The following ACOT2 variants were observed in gnomAD, a reference collection of about 807,000 sequenced individuals.
ACOT2 encodes acyl-coenzyme A thioesterase 2, mitochondrial.
In ACOT2, 15 loss-of-function variants were observed where a neutral mutation model predicts 20.1. The observed-to-expected ratio is 0.75, with a 90% confidence interval of 0.50 to 1.15. The LOEUF is 1.15. Ranked by LOEUF, ACOT2 falls within the 50% of genes most tolerant of loss-of-function variation. The probability of loss-of-function intolerance (pLI) is 0.00; values close to 1 mark genes in which losing one functional copy is unlikely to be tolerated. For synonymous variants in ACOT2, 252 were observed against 268.4 expected (o/e 0.94, Z 0.60); for missense variants, 479 against 615.3 (o/e 0.78, Z 2.34).
chr14:73,569,747 G>A lies in ACOT2; in HGVS notation c.507G>A (p.Glu169=), dbSNP rs758022958. Residue 169 remains glutamate (E), a synonymous_variant, in exon 1 of 3, where the codon GAG becomes GAA. Coordinates refer to ENST00000238651, the MANE Select transcript of ACOT2 (RefSeq NM_006821.6). ...GAACGCCCTTGGCCGTGGAGCTGGAGGTGCTGGATGGCCACGACCCCGACC... is the reference window on the plus strand; with the variant it reads ...GAACGCCCTTGGCCGTGGAGCTGGAAGTGCTGGATGGCCACGACCCCGACC... ...DVRTPLAVEL[E]VLDGHDPDPG... 2.5e-6 allele frequency: 4 copies of A among 1,609,308 alleles called. No homozygotes were observed. The highest frequency in any genetic ancestry group is 1.9e-4 in the Middle Eastern group (1 of 5,142).
At chr14:73,570,370 C>G (rs909979077) in intron 1 of ACOT2, among the ~76,000 whole-genome samples, 26 of 151,782 alleles carry the variant, frequency 1.7e-4, no homozygotes, top group Admixed American at 1.7e-3. Flanking sequence ...AAGATTGAGG[C>G]CATCCTGACT....
rs1329055219 is a variant in ACOT2, at chr14:73,569,790, C to T, written c.550C>T (p.Gln184Ter). The part of the protein sequence containing the change: ...HDPDPGRLLC[Q>*]TRHERYFLPP... ...CCCCGACCCCGGGCGGCTGCTGTGC[C>T]AGACGCGGCACGAGCGCTACTTCCT... The change falls in exon 1 of 3, where the codon CAG becomes TAG. Residue 184 changes from glutamine to a stop codon, truncating the protein, a stop_gained. Coordinates refer to ENST00000238651, the MANE Select transcript of ACOT2 (RefSeq NM_006821.6). LOFTEE classifies it high-confidence loss of function. 1 of 1,604,764 alleles carries T rather than the reference C, an allele frequency of 6.2e-7. No individual in the cohort carries two copies. The highest frequency in any genetic ancestry group is 1.1e-5 in the South Asian group (1 of 90,448).
At chr14:73,573,249 A>G in intron 1 of ACOT2, 139 bp from the exon 2 acceptor site, 1 of 1,311,356 alleles carries the variant, frequency 7.6e-7, no homozygotes, top group South Asian at 1.2e-5. Flanking sequence ...TTCTGGACGA[A>G]CAGGTTTTCA....
rs762834282 is a variant in ACOT2, at chr14:73,569,346, T to C, written c.106T>C (p.Trp36Arg). Residue 36 changes from tryptophan (W) to arginine (R), a missense_variant, in exon 1 of 3, where the codon TGG becomes CGG. Around this residue, in one of 4 missense-constraint regions of ACOT2, gnomAD observed 400 missense variants for 395.5 expected, o/e 1.01. Coordinates refer to ENST00000238651, the MANE Select transcript of ACOT2 (RefSeq NM_006821.6). ...CCTTCGAGCGTCCCGGCTGTACCAATGGAGCCTGAAGAGTTCGGCGCAGTT... is the reference window on the plus strand; with the variant it reads ...CCTTCGAGCGTCCCGGCTGTACCAACGGAGCCTGAAGAGTTCGGCGCAGTT... The part of the protein sequence containing the change: ...AVLRASRLYQ[W>R]SLKSSAQFLG... The C allele has an allele frequency of 6.4e-5, 104 of 1,613,978 alleles. 1 individual carries two copies. The East Asian group carries it at 2.3e-3, about 35-fold the overall frequency.
rs1889674893 is a variant in ACOT2, at chr14:73,569,690, A to G, written c.450A>G (p.Lys150=). Residue 150 remains lysine (K), a synonymous_variant, in exon 1 of 3, where the codon AAA becomes AAG. Coordinates refer to ENST00000238651, the MANE Select transcript of ACOT2 (RefSeq NM_006821.6). Reference sequence around the variant, plus strand: ...TGCTCTGGGCCTTGGAGCCCGAGAAACCTTTGGTGCGGCTGGTGAAGCGCG... The same window carrying G: ...TGCTCTGGGCCTTGGAGCCCGAGAAGCCTTTGGTGCGGCTGGTGAAGCGCG... The part of the protein sequence containing the change: ...MGLLWALEPE[K]PLVRLVKRDV... 1 of 1,609,822 alleles carries G rather than the reference A, an allele frequency of 6.2e-7. No homozygotes were observed. Among genetic ancestry groups the G allele is most frequent in the South Asian group, 1.1e-5 (1 of 90,862 alleles).
chr14:73,573,751 G>A (rs137977811), intron 2 of ACOT2, among the ~76,000 whole-genome samples, 161 bp downstream of exon 2: 9 of 150,368 alleles, frequency 6.0e-5, no homozygotes, highest in African/African-American at 2.2e-4. Context: ...TTTTTGAGAT[G>A]GAGTCTCACT....
chr14:73,568,117 G>A (rs1283441921), upstream of ACOT2: 1 of 152,036 alleles, frequency 6.6e-6, no homozygotes, highest in Admixed American at 6.6e-5. Flanking sequence ...CATACTTGAG[G>A]TGTTATACAA....
Position 73,575,404 on chromosome 14 carries a change from G to A in ACOT2, c.1343G>A (p.Gly448Glu), listed in dbSNP as rs1889859594. Reference protein sequence around the residue: ...ALVGSPIIWGGEPRAHAMAQV... With the variant: ...ALVGSPIIWGEEPRAHAMAQV... The stretch of plus-strand genomic sequence containing the variant: ...GTGGGCAGTCCTATTATCTGGGGAG[G>A]GGAGCCCAGGGCTCATGCCATGGCT... The change falls in exon 3 of 3, where the codon GGG becomes GAG. Residue 448 changes from glycine (G) to glutamate (E), a missense_variant. Gly to Glu is a moderately conservative substitution (Grantham distance 98). Transcript: ENST00000238651. 5 of 1,295,780 alleles carry A rather than the reference G, an allele frequency of 3.9e-6. No individual in the cohort carries two copies. Among genetic ancestry groups the A allele is most frequent in the Non-Finnish European group, 5.2e-6 (5 of 961,732 alleles). The allele number at this position is 1,295,780 out of a possible 1,614,324, so 80.3% of individuals were successfully genotyped here.
intron 2 of ACOT2, chr14:73,574,405 C>T: frequency 4.5e-6 from 1 of 220,924 alleles, no homozygotes. Context: ...GCTGTGACTA[C>T]AGGCACGTGC....
At position 73,569,463 on chromosome 14, in the gene ACOT2, T is replaced by C. The variant is rs1889664898; in HGVS notation, c.223T>C (p.Cys75Arg). 1.2e-6 allele frequency: 2 copies of C among 1,613,358 alleles called. No homozygotes were observed. Among genetic ancestry groups the C allele is most frequent in the African/African-American group, 2.7e-5 (2 of 74,930 alleles). ...ATLILEPAGR[C>R]CWDEPVRIAV... Reference sequence around the variant, plus strand: ...GCTGATCCTGGAGCCTGCGGGCCGCTGCTGCTGGGACGAACCGGTGCGAAT... The same window carrying C: ...GCTGATCCTGGAGCCTGCGGGCCGCCGCTGCTGGGACGAACCGGTGCGAAT... The change falls in exon 1 of 3, where the codon TGC becomes CGC. Residue 75 changes from cysteine (C) to arginine (R), a missense_variant. Physicochemically the swap from Cys to Arg is radical, Grantham distance 180. Transcript: ENST00000238651.
At chr14:73,574,566 AGAT>A (rs1889840047) in intron 2 of ACOT2, among the ~76,000 whole-genome samples, 1 of 151,900 alleles carries the variant, frequency 6.6e-6, no homozygotes, top group African/African-American at 2.4e-5. Context: ...CCCGGCCATG[AGAT>A]GATGTACTTG....
chr14:73,573,611 T>C, intron 2 of ACOT2, 21 bp downstream of exon 2: 1 of 1,613,060 alleles, frequency 6.2e-7, no homozygotes, highest in Non-Finnish European at 8.5e-7. Flanking sequence ...CTTTCAGATT[T>C]ATGGGCTATG....
chr14:73,568,464 C>A (rs1280404024), upstream of ACOT2, among the ~76,000 whole-genome samples: 3 of 151,566 alleles, frequency 2.0e-5, no homozygotes, highest in Non-Finnish European at 4.4e-5. Flanking sequence ...GAGGCTGAGT[C>A]AGGAAGATGG....
In ACOT2 at chr14:73,569,694, T is replaced by G. The variant is rs1233701235; in HGVS notation, c.454T>G (p.Leu152Val). ...LLWALEPEKP[L>V]VRLVKRDVRT... ...CTGGGCCTTGGAGCCCGAGAAACCTTTGGTGCGGCTGGTGAAGCGCGACGT... is the reference window on the plus strand; with the variant it reads ...CTGGGCCTTGGAGCCCGAGAAACCTGTGGTGCGGCTGGTGAAGCGCGACGT... The change falls in exon 1 of 3, where the codon TTG becomes GTG. Residue 152 changes from leucine (L) to valine (V), a missense_variant. By Grantham distance (32) the Leu-to-Val change is conservative (BLOSUM62 1). Transcript: ENST00000238651. The G allele has an allele frequency of 4.2e-5, 68 of 1,609,846 alleles. 1 individual carries two copies. Among genetic ancestry groups the G allele is most frequent in the East Asian group, 2.5e-4 (11 of 44,848 alleles).
chr14:73,568,098 G>A (rs1433310316), upstream of ACOT2: 2 of 152,050 alleles, frequency 1.3e-5, no homozygotes, highest in African/African-American at 4.8e-5. Flanking sequence ...GAGAGTTCTA[G>A]GCACAGAACA....
chr14:73,570,949 C>A (rs1889726652), intron 1 of ACOT2, among the ~76,000 whole-genome samples: 1 of 144,238 alleles, frequency 6.9e-6, no homozygotes, highest in South Asian at 2.2e-4. Context: ...TTTTAATGTT[C>A]TTATTTATGT....
chr14:73,567,917 C>T (rs1889633974), upstream of ACOT2: 1 of 152,114 alleles, frequency 6.6e-6, no homozygotes, highest in Admixed American at 6.6e-5. Flanking sequence ...ATTCCGGACG[C>T]ATCTGAACAT....
chr14:73,567,881 G>A (rs1357401605), upstream of ACOT2: 2 of 152,020 alleles, frequency 1.3e-5, no homozygotes, highest in African/African-American at 4.8e-5. Context: ...TGAGAAGCGA[G>A]ACCATGAACC....
Position 73,569,609 on chromosome 14 carries a change from C to T in ACOT2, c.369C>T (p.Asp123=), listed in dbSNP as rs778685414. Residue 123 remains aspartate, a synonymous_variant, in exon 1 of 3, where the codon GAC becomes GAT. Transcript: ENST00000238651. The part of the protein sequence containing the change: ...RYRADTLGEL[D]LERAPALGGS... ...GCGCCGACACTCTTGGCGAGCTGGACCTGGAGCGCGCGCCCGCGCTGGGCG... is the reference window on the plus strand; with the variant it reads ...GCGCCGACACTCTTGGCGAGCTGGATCTGGAGCGCGCGCCCGCGCTGGGCG... The T allele has an allele frequency of 3.2e-5, 52 of 1,600,880 alleles. No homozygotes were observed. In the East Asian group the frequency reaches 1.2e-3, roughly 36 times the overall value.
Sources: allele counts gnomAD v4.1 joint callset (sites outside exome capture counted in the v4.1 genomes callset), GRCh38; gene constraint gnomAD v4.1.1; regional missense constraint gnomAD v4.1.1; transcripts MANE v1.5; gene names NCBI Gene and HGNC (gene_info 2026-07-23, HGNC 2026-07-21).